HOMER1: variants seen among roughly 807,000 people sequenced by gnomAD.
The protein encoded by HOMER1 is homer scaffold protein 1.
A neutral mutation model predicts 48.9 loss-of-function variants in HOMER1; 3 were observed. That is an observed-to-expected ratio of 0.06 (90% CI 0.03 to 0.16). The LOEUF (loss-of-function observed/expected upper bound fraction) is 0.16. Among genes scored for constraint, HOMER1 ranks in the 10% least tolerant of loss-of-function variants. HOMER1 has a pLI of 1.00. For synonymous variants in HOMER1, 134 were observed against 146.4 expected (o/e 0.92, Z 0.61); for missense variants, 247 against 411.4 (o/e 0.60, Z 3.46).
intron 1 of HOMER1, among the ~76,000 whole-genome samples, chr5:79,469,674 T>G (rs1290496530): frequency 6.6e-6 from 1 of 151,946 alleles, no homozygotes; most frequent in Non-Finnish European, 1.5e-5. Flanking sequence ...TTGCCTTTTT[T>G]TTTTATTTTT....
chr5:79,400,913 TAAA>T (rs1320488734), intron 6 of HOMER1, among the ~76,000 whole-genome samples: 2 of 127,836 alleles, frequency 1.6e-5, no homozygotes, highest in Admixed American at 8.3e-5. Flanking sequence ...CTTGGTTAAT[TAAA>T]AAAAAAAAAG....
At chr5:79,388,128 A>G (rs1426512133) in intron 8 of HOMER1, among the ~76,000 whole-genome samples, 1 of 152,222 alleles carries the variant, frequency 6.6e-6, no homozygotes, top group Non-Finnish European at 1.5e-5. Flanking sequence ...AAAAAGTTCT[A>G]GAAAACCAGA....
chr5:79,411,346 G>A (rs904197168), intron 5 of HOMER1, among the ~76,000 whole-genome samples: 5 of 152,072 alleles, frequency 3.3e-5, no homozygotes, highest in Admixed American at 6.6e-5. Context: ...TTAGCCGGGC[G>A]TGGTGGCATA....
chr5:79,481,031 T>C (rs2112341431), intron 1 of HOMER1, among the ~76,000 whole-genome samples: 1 of 152,338 alleles, frequency 6.6e-6, no homozygotes, highest in East Asian at 1.9e-4. Context: ...ATGTAAGTGA[T>C]TACTAATCAT....
intron 5 of HOMER1, among the ~76,000 whole-genome samples, chr5:79,404,901 G>A (rs1342737515): frequency 6.6e-6 from 1 of 150,936 alleles, no homozygotes; most frequent in South Asian, 2.1e-4. Context: ...TAGAGATAGG[G>A]TTTCACCATG....
chr5:79,471,672 C>T (rs1751625745), intron 1 of HOMER1, among the ~76,000 whole-genome samples: 1 of 152,008 alleles, frequency 6.6e-6, no homozygotes, highest in Non-Finnish European at 1.5e-5. Flanking sequence ...AGCTCAGCAT[C>T]AGTGGTTTTC....
intron 5 of HOMER1, among the ~76,000 whole-genome samples, chr5:79,428,902 A>G (rs371314517): frequency 6.6e-6 from 1 of 152,212 alleles, no homozygotes; most frequent in Admixed American, 6.5e-5. Flanking sequence ...TCCTTATCAG[A>G]ATCCCAACTG....
intron 1 of HOMER1, among the ~76,000 whole-genome samples, chr5:79,482,900 G>A (rs1000386137): frequency 5.3e-5 from 8 of 152,060 alleles, no homozygotes; most frequent in African/African-American, 1.7e-4. Context: ...CTACTCAAGA[G>A]GCCGAGGTGG....
At chr5:79,410,022 A>T (rs376194390) in intron 5 of HOMER1, among the ~76,000 whole-genome samples, 2 of 152,362 alleles carry the variant, frequency 1.3e-5, no homozygotes, top group South Asian at 2.1e-4. Context: ...TATGCCCAAA[A>T]GCAGTGAGGC....
At chr5:79,478,223 T>C (rs189575647) in intron 1 of HOMER1, among the ~76,000 whole-genome samples, 4 of 152,330 alleles carry the variant, frequency 2.6e-5, no homozygotes, top group South Asian at 2.1e-4. Flanking sequence ...CTTACATGCA[T>C]TGAAACACTT....
intron 5 of HOMER1, 27 bp downstream of exon 5, chr5:79,438,983 A>G (rs1275638200): frequency 6.2e-7 from 1 of 1,602,528 alleles, no homozygotes; most frequent in Admixed American, 1.7e-5. Flanking sequence ...CATTTACTTA[A>G]TCATAATTGC....
chr5:79,472,545 T>C (rs1481892135), intron 1 of HOMER1, among the ~76,000 whole-genome samples: 2 of 151,588 alleles, frequency 1.3e-5, no homozygotes, highest in African/African-American at 4.8e-5. Flanking sequence ...GAGGCTGAGG[T>C]AGGAGAATCA....
intron 8 of HOMER1, among the ~76,000 whole-genome samples, chr5:79,392,093 T>C (rs1381839439): frequency 6.6e-6 from 1 of 152,214 alleles, no homozygotes; most frequent in Non-Finnish European, 1.5e-5. Context: ...CATACAATTA[T>C]GTATAGTACA....
intron 2 of HOMER1, 71 bp from the exon 3 acceptor site, chr5:79,451,192 AG>A: frequency 6.7e-7 from 1 of 1,502,902 alleles, no homozygotes; most frequent in Non-Finnish European, 9.2e-7. Flanking sequence ...AAGACCATTC[AG>A]TTACATAAAA....
At chr5:79,474,194 T>C (rs1441582541) in intron 1 of HOMER1, among the ~76,000 whole-genome samples, 1 of 147,922 alleles carries the variant, frequency 6.8e-6, no homozygotes, top group African/African-American at 2.5e-5. Flanking sequence ...TGCACCATCA[T>C]GCCCAACCAA....
chr5:79,435,013 G>A (rs1436781165), intron 5 of HOMER1, among the ~76,000 whole-genome samples: 1 of 152,172 alleles, frequency 6.6e-6, no homozygotes, highest in African/African-American at 2.4e-5. Context: ...GGGCAGAGAT[G>A]AAACAAGACT....
At chr5:79,455,728 A>G (rs1751157582) in intron 2 of HOMER1, among the ~76,000 whole-genome samples, 2 of 152,202 alleles carry the variant, frequency 1.3e-5, no homozygotes, top group African/African-American at 2.4e-5. Context: ...AAAATTCCTG[A>G]AAGTGGAAAG....
At chr5:79,427,813 CTTCT>C (rs771615139) in intron 5 of HOMER1, among the ~76,000 whole-genome samples, 91 of 136,634 alleles carry the variant, frequency 6.7e-4, no homozygotes, top group Non-Finnish European at 1.1e-3. Flanking sequence ...TCCTTCCTTC[CTTCT>C]TTTCCTTCCT....
chr5:79,401,507 T>C (rs1580425765), intron 6 of HOMER1, among the ~76,000 whole-genome samples: 1 of 152,154 alleles, frequency 6.6e-6, no homozygotes, highest in Non-Finnish European at 1.5e-5. Context: ...GAGAAAAGCA[T>C]TCCCGCTTCA....
Sources: allele counts gnomAD v4.1 joint callset (sites outside exome capture counted in the v4.1 genomes callset), GRCh38; gene constraint gnomAD v4.1.1; transcripts MANE v1.5; gene names NCBI Gene and HGNC (gene_info 2026-07-23, HGNC 2026-07-21).